Variants in SCARB2 observed in about 807,000 individuals in gnomAD.
SCARB2 encodes the protein scavenger receptor class B member 2, also known as lysosome membrane protein 2.
In SCARB2, 29 loss-of-function variants were observed where a neutral mutation model predicts 58.6. The observed-to-expected ratio is 0.49, with a 90% CI of 0.37 to 0.67. SCARB2 has a LOEUF of 0.67. Among genes scored for constraint, SCARB2 ranks in the 30% least tolerant of loss-of-function variants. SCARB2 has a pLI of 0.00. For synonymous variants in SCARB2, 195 were observed against 210.1 expected (o/e 0.93, Z 0.62); for missense variants, 488 against 578.5 (o/e 0.84, Z 1.60).
chr4:76,188,492 T>C (rs1412997656), intron 2 of SCARB2, among the ~76,000 whole-genome samples: 1 of 121,978 alleles, frequency 8.2e-6, no homozygotes, highest in Non-Finnish European at 1.7e-5. Context: ...TCAGATGAGT[T>C]AGGCCCTCCA....
chr4:76,170,865 C>G (rs1259138056), intron 7 of SCARB2, among the ~76,000 whole-genome samples: 2 of 151,712 alleles, frequency 1.3e-5, no homozygotes, highest in African/African-American at 4.8e-5. Flanking sequence ...TACACCCAGC[C>G]TCTAACCAGA....
intron 10 of SCARB2, chr4:76,165,161 C>T (rs1264427144): frequency 2.6e-5 from 4 of 152,086 alleles, no homozygotes; most frequent in African/African-American, 9.7e-5. Context: ...TCTTTCATGC[C>T]CCTGCCCACA....
At chr4:76,176,768 A>G in intron 4 of SCARB2, 1 of 415,778 alleles carries the variant, frequency 2.4e-6, no homozygotes, top group Non-Finnish European at 4.3e-6. Flanking sequence ...GGTTTCTTAG[A>G]GGAGGAATTC....
At chr4:76,186,487 G>A (rs1732490354) in intron 2 of SCARB2, among the ~76,000 whole-genome samples, 1 of 152,066 alleles carries the variant, frequency 6.6e-6, no homozygotes, top group Admixed American at 6.6e-5. Flanking sequence ...CACAGGCTGA[G>A]GAGCCTCTAC....
At chr4:76,210,687 G>A (rs759672705) in intron 1 of SCARB2, among the ~76,000 whole-genome samples, 2 of 152,144 alleles carry the variant, frequency 1.3e-5, no homozygotes, top group East Asian at 1.9e-4. Context: ...TGCCCAATAC[G>A]AGGCAGTCAC....
intron 1 of SCARB2, among the ~76,000 whole-genome samples, chr4:76,226,375 G>C (rs1733398552): frequency 6.6e-6 from 1 of 152,194 alleles, no homozygotes; most frequent in Admixed American, 6.5e-5. Context: ...ATGGAGAACA[G>C]GTTCTTCTAA....
chr4:76,163,729 G>A, intron 10 of SCARB2: 1 of 354,962 alleles, frequency 2.8e-6, no homozygotes, highest in Non-Finnish European at 5.4e-6. Flanking sequence ...AGTTTTCTCT[G>A]GCTACCTCAG....
At chr4:76,220,220 C>T (rs941096006) in intron 1 of SCARB2, among the ~76,000 whole-genome samples, 2 of 152,180 alleles carry the variant, frequency 1.3e-5, no homozygotes, top group Non-Finnish European at 2.9e-5. Flanking sequence ...GTGTTCATAG[C>T]AGCATTGTTC....
At chr4:76,171,501 T>C (rs1732128473) in intron 7 of SCARB2, among the ~76,000 whole-genome samples, 1 of 152,118 alleles carries the variant, frequency 6.6e-6, no homozygotes, top group Admixed American at 6.5e-5. Context: ...TTCAAAACAC[T>C]GGAGGATAAT....
chr4:76,209,287 T>G (rs1412798673), intron 1 of SCARB2, among the ~76,000 whole-genome samples: 1 of 152,252 alleles, frequency 6.6e-6, no homozygotes, highest in East Asian at 1.9e-4. Context: ...TTTTGCTGAT[T>G]TGACTTTAAA....
At chr4:76,195,340 G>A in intron 2 of SCARB2, 1 of 196,370 alleles carries the variant, frequency 5.1e-6, no homozygotes, top group East Asian at 1.3e-4. Context: ...ACTCCAGCCT[G>A]GGCAACAAAG....
intron 7 of SCARB2, among the ~76,000 whole-genome samples, 190 bp from the exon 8 acceptor site, chr4:76,170,175 T>C (rs1732100057): frequency 6.6e-6 from 1 of 152,194 alleles, no homozygotes; most frequent in Non-Finnish European, 1.5e-5. Flanking sequence ...TTCTGACATC[T>C]CATTTACCCC....
chr4:76,227,505 A>T (rs775160602), intron 1 of SCARB2, among the ~76,000 whole-genome samples: 2 of 152,170 alleles, frequency 1.3e-5, no homozygotes, highest in Non-Finnish European at 2.9e-5. Context: ...GACAAAAATG[A>T]ATATTCTGCA....
At chr4:76,172,092 TTTG>T (rs918675767) in intron 7 of SCARB2, among the ~76,000 whole-genome samples, 4 of 148,596 alleles carry the variant, frequency 2.7e-5, no homozygotes, top group African/African-American at 9.8e-5. Flanking sequence ...AACTATAAAA[TTTG>T]TTAATATACT....
chr4:76,169,188 T>C (rs973379312), intron 8 of SCARB2, among the ~76,000 whole-genome samples: 1 of 151,924 alleles, frequency 6.6e-6, no homozygotes, highest in Non-Finnish European at 1.5e-5. Context: ...ACCCATAAAA[T>C]ACTGTGCTAA....
chr4:76,204,422 T>C (rs903478331), intron 1 of SCARB2, among the ~76,000 whole-genome samples: 1 of 152,214 alleles, frequency 6.6e-6, no homozygotes, highest in African/African-American at 2.4e-5. Flanking sequence ...ATGTAGCTCA[T>C]GGGTGAACTG....
intron 2 of SCARB2, among the ~76,000 whole-genome samples, chr4:76,188,421 T>G (rs1205935527): frequency 6.6e-6 from 1 of 152,242 alleles, no homozygotes; most frequent in Non-Finnish European, 1.5e-5. Flanking sequence ...CCAAAAACAT[T>G]ACTATTCTGA....
chr4:76,219,587 G>A (rs1318382117), intron 1 of SCARB2, among the ~76,000 whole-genome samples: 1 of 152,134 alleles, frequency 6.6e-6, no homozygotes, highest in Non-Finnish European at 1.5e-5. Flanking sequence ...AAACGAGAAA[G>A]CCAGGTTTAC....
At chr4:76,213,250 C>T in intron 1 of SCARB2, 177 bp downstream of exon 1, 1 of 665,854 alleles carries the variant, frequency 1.5e-6, no homozygotes, top group Non-Finnish European at 2.8e-6. Flanking sequence ...TCGGCTCCAT[C>T]CTTCCTCATC....
Sources: allele counts gnomAD v4.1 joint callset (sites outside exome capture counted in the v4.1 genomes callset), GRCh38; gene constraint gnomAD v4.1.1; transcripts MANE v1.5; gene names NCBI Gene and HGNC (gene_info 2026-07-23, HGNC 2026-07-21).